PHACTR3: variants seen among roughly 807,000 people sequenced by gnomAD.
The protein encoded by PHACTR3 is protein phosphatase 1, regulatory subunit 123.
Under a neutral mutation model 66.8 loss-of-function variants are expected in PHACTR3, and 16 were observed. That is an observed-to-expected ratio of 0.24 (90% CI 0.16 to 0.36). PHACTR3 has a LOEUF of 0.36. Ranked by LOEUF, PHACTR3 falls within the 10% of genes least tolerant of loss-of-function variation. PHACTR3 has a pLI of 1.00. For synonymous variants in PHACTR3, 323 were observed against 292.1 expected (o/e 1.11, Z -1.08); for missense variants, 647 against 719.9 (o/e 0.90, Z 1.16).
intron 1 of PHACTR3, among the ~76,000 whole-genome samples, chr20:59,592,631 G>A (rs1200331022): frequency 1.3e-5 from 2 of 152,104 alleles, no homozygotes; most frequent in East Asian, 3.8e-4. Context: ...CAAATCCTCT[G>A]TGCTCTGCCT....
At chr20:59,804,792 C>T (rs771570540) in intron 7 of PHACTR3, among the ~76,000 whole-genome samples, 20 of 151,928 alleles carry the variant, frequency 1.3e-4, no homozygotes, top group Non-Finnish European at 2.1e-4. Flanking sequence ...TTGTATCTTA[C>T]TTTATCCCAA....
chr20:59,601,572 C>T (rs962265416), upstream of PHACTR3, among the ~76,000 whole-genome samples: 5 of 152,200 alleles, frequency 3.3e-5, no homozygotes, highest in Admixed American at 2.6e-4. Flanking sequence ...TTTCACACAC[C>T]TTGGGGACCA....
At position 59,776,499 on chromosome 20, in the gene PHACTR3, C is replaced by G. The variant is rs530073541; in HGVS notation, c.1174+2009C>G. Among the ~76,000 whole-genome samples the G allele has an allele frequency of 7.4e-5, 8 of 108,834 alleles. No individual in the cohort carries two copies. The South Asian group carries it at 1.9e-3, about 26-fold the overall frequency. The allele number at this position is 108,834 out of a possible 152,430, so 71.4% of individuals were successfully genotyped here. A position where few individuals can be genotyped will look rare whatever the true frequency, so the allele number is the denominator to read the frequency against. ...GGAGAGCACTTCTTCCTGTCCTCAC[C>G]AGCCACACGGGGAGGATAGCCCCTG... On this transcript the variant is annotated intron_variant, in intron 7 of 12. Coordinates refer to ENST00000371015, the MANE Select transcript of PHACTR3 (RefSeq NM_080672.5).
At chr20:59,614,143 A>G (rs2033947935) in intron 1 of PHACTR3, among the ~76,000 whole-genome samples, 1 of 152,162 alleles carries the variant, frequency 6.6e-6, no homozygotes, top group Non-Finnish European at 1.5e-5. Flanking sequence ...CCCTATCTGC[A>G]CCACCCAGCT....
At chr20:59,659,718 C>T (rs1447017510) in intron 1 of PHACTR3, among the ~76,000 whole-genome samples, 1 of 152,138 alleles carries the variant, frequency 6.6e-6, no homozygotes, top group Non-Finnish European at 1.5e-5. Context: ...GTATTACCAG[C>T]TTCGAGTGCT....
At chr20:59,773,097 G>A (rs1834326645) in intron 5 of PHACTR3, among the ~76,000 whole-genome samples, 182 bp from the exon 6 acceptor site, 1 of 152,182 alleles carries the variant, frequency 6.6e-6, no homozygotes, top group Admixed American at 6.5e-5. Flanking sequence ...GAACTGGACA[G>A]AGATGCACCC....
chr20:59,723,072 T>TTCTTTC (rs1432468691), intron 1 of PHACTR3, among the ~76,000 whole-genome samples: 1 of 124,264 alleles, frequency 8.0e-6, no homozygotes, highest in African/African-American at 3.5e-5. Context: ...CTTTCTTTCT[T>TTCTTTC]TCTTTCTTTC....
chr20:59,773,165 C>G, intron 5 of PHACTR3, 114 bp from the exon 6 acceptor site: 1 of 1,237,078 alleles, frequency 8.1e-7, no homozygotes, highest in African/African-American at 1.5e-5. Context: ...TAGTTGGGGC[C>G]CCTCCTGGAG....
intron 7 of PHACTR3, among the ~76,000 whole-genome samples, chr20:59,778,218 C>T (rs1211955262): frequency 6.6e-6 from 1 of 152,156 alleles, no homozygotes; most frequent in Non-Finnish European, 1.5e-5. Context: ...CACAGGTGGC[C>T]ACAGGACCAG....
intron 1 of PHACTR3, among the ~76,000 whole-genome samples, chr20:59,647,845 G>C (rs369690718): frequency 1.2e-4 from 19 of 152,148 alleles, no homozygotes; most frequent in African/African-American, 4.1e-4. Context: ...GGCCTTTCTT[G>C]GCTGGGTTTC....
chr20:59,776,634 G>A (rs1039540163), intron 7 of PHACTR3, among the ~76,000 whole-genome samples: 8 of 152,218 alleles, frequency 5.3e-5, no homozygotes, highest in Non-Finnish European at 1.0e-4. Context: ...CACGCCTGGC[G>A]TTAAAGGTAT....
intron 1 of PHACTR3, among the ~76,000 whole-genome samples, chr20:59,645,372 A>G (rs1168937514): frequency 6.6e-6 from 1 of 151,974 alleles, no homozygotes; most frequent in South Asian, 2.1e-4. Context: ...ATCATGAGGG[A>G]GGTGGAGGGA....
chr20:59,721,950 C>A (rs577592704), intron 1 of PHACTR3, among the ~76,000 whole-genome samples: 1 of 151,510 alleles, frequency 6.6e-6, no homozygotes, highest in South Asian at 2.1e-4. Flanking sequence ...AAAACAAGGG[C>A]CCAGTCAGGG....
chr20:59,827,315 C>T (rs1314867763), intron 8 of PHACTR3, among the ~76,000 whole-genome samples: 1 of 152,136 alleles, frequency 6.6e-6, no homozygotes, highest in Non-Finnish European at 1.5e-5. Flanking sequence ...AGACCCCTCC[C>T]CACCACCACT....
chr20:59,786,917 T>A (rs894113025), intron 7 of PHACTR3, among the ~76,000 whole-genome samples: 1 of 126,920 alleles, frequency 7.9e-6, no homozygotes, highest in African/African-American at 2.7e-5. Context: ...ACAATGGTGA[T>A]CTTCACTAAT....
intron 3 of PHACTR3, among the ~76,000 whole-genome samples, chr20:59,754,879 G>A (rs1360975740): frequency 6.6e-6 from 1 of 152,250 alleles, no homozygotes. Context: ...TACTGCAAAG[G>A]TGCACGGCAG....
At position 59,758,944 on chromosome 20, in the gene PHACTR3, C is replaced by T. The variant is rs117840550; in HGVS notation, c.541+3580C>T. Among the ~76,000 whole-genome samples the T allele has an allele frequency of 8.3e-4, 126 of 152,286 alleles. 2 individuals are homozygous for T. In the East Asian group the frequency reaches 0.014, roughly 17 times the overall value. The stretch of plus-strand genomic sequence containing the variant: ...GACTTATCTCCCTCCTAACCCACAC[C>T]GAGCACTTGGAAAGTGTCTGCTGCT... On this transcript the variant is annotated intron_variant, in intron 4 of 12. Coordinates refer to ENST00000371015, the MANE Select transcript of PHACTR3 (RefSeq NM_080672.5).
chr20:59,767,254 C>T lies in PHACTR3; in HGVS notation c.610C>T (p.Leu204Phe), dbSNP rs202198442. 1.7e-5 allele frequency: 27 copies of T among 1,614,262 alleles called. No individual in the cohort carries two copies. In the African/African-American group the frequency reaches 2.9e-4, roughly 18 times the overall value. The change falls in exon 5 of 13, where the codon CTC becomes TTC. Residue 204 changes from leucine to phenylalanine, a missense_variant. Around this residue, in one of 2 missense-constraint regions of PHACTR3, gnomAD observed 577 missense variants for 571.1 expected, o/e 1.01. Coordinates refer to ENST00000371015, the MANE Select transcript of PHACTR3 (RefSeq NM_080672.5). ...AGSLLPTTNELSQALAGADSL... is the reference protein window; with the variant it reads ...AGSLLPTTNEFSQALAGADSL... ...CAGCCTCCTGCCCACCACCAATGAG[C>T]TCTCCCAAGCCTTAGCTGGGGCTGA...
chr20:59,810,111 G>A (rs2147012377), intron 8 of PHACTR3, among the ~76,000 whole-genome samples: 1 of 152,272 alleles, frequency 6.6e-6, no homozygotes, highest in South Asian at 2.1e-4. Flanking sequence ...GTAAGTAATG[G>A]AAGATAGTAC....
Sources: allele counts gnomAD v4.1 joint callset (sites outside exome capture counted in the v4.1 genomes callset), GRCh38; gene constraint gnomAD v4.1.1; regional missense constraint gnomAD v4.1.1; transcripts MANE v1.5; gene names NCBI Gene and HGNC (gene_info 2026-07-23, HGNC 2026-07-21).